Variants in NCAPH2 observed in about 807,000 individuals in gnomAD.
NCAPH2 encodes the protein non-SMC condensin II complex subunit H2.
A neutral mutation model predicts 88.6 loss-of-function variants in NCAPH2; 56 were observed. The observed-to-expected ratio is 0.63, with a 90% CI of 0.51 to 0.79. The LOEUF is 0.79. Among genes scored for constraint, NCAPH2 ranks in the 30% least tolerant of loss-of-function variants. NCAPH2 has a pLI of 0.00. For missense variants in NCAPH2, 794 were observed against 792.0 expected (o/e 1.00, Z -0.03); for synonymous variants, 378 against 313.6 (o/e 1.21, Z -2.17).
At chr22:50,518,508 G>A (rs1454371750) in intron 7 of NCAPH2, 141 bp from the exon 8 acceptor site, 6 of 1,043,390 alleles carry the variant, frequency 5.8e-6, no homozygotes, top group Non-Finnish European at 8.2e-6. Context: ...TCAGGGCCCT[G>A]CTGTCTCCCC....
chr22:50,514,011 C>T (rs1377687504), intron 1 of NCAPH2, among the ~76,000 whole-genome samples: 1 of 151,990 alleles, frequency 6.6e-6, no homozygotes, highest in East Asian at 1.9e-4. Context: ...GAAGCTTAGG[C>T]AGGGAGAATT....
intron 1 of NCAPH2, among the ~76,000 whole-genome samples, chr22:50,509,916 T>C (rs549919540): frequency 1.3e-4 from 20 of 152,300 alleles, no homozygotes; most frequent in African/African-American, 3.8e-4. Context: ...GGGAATCTTC[T>C]TTTTTGTTTT....
At chr22:50,508,889 T>C (rs1335162389) in intron 1 of NCAPH2, among the ~76,000 whole-genome samples, 19 of 152,240 alleles carry the variant, frequency 1.2e-4, no homozygotes, top group Non-Finnish European at 2.9e-5. Context: ...TTAGTGTTTC[T>C]TCCATGTTTG....
Position 50,523,698 on chromosome 22 carries a change from C to G in NCAPH2, c.*323C>G. 1 of 1,614,180 alleles carries G rather than the reference C, an allele frequency of 6.2e-7. No individual in the cohort carries two copies. On this transcript the variant is annotated 3_prime_UTR_variant, in exon 20 of 20. Transcript: ENST00000420993. ...CCGATCTGCTCCGGCCGTAGTAATC[C>G]GTGAAGAGGCCGTCAGGGTTGAGCA...
intron 2 of NCAPH2, among the ~76,000 whole-genome samples, chr22:50,516,767 T>G (rs936523752): frequency 1.3e-5 from 2 of 152,198 alleles, no homozygotes; most frequent in Non-Finnish European, 2.9e-5. Flanking sequence ...TTGGGCTCTG[T>G]TGTCTTGGGG....
chr22:50,508,669 C>T (rs566890467), intron 1 of NCAPH2, among the ~76,000 whole-genome samples: 3 of 152,336 alleles, frequency 2.0e-5, no homozygotes, highest in East Asian at 1.9e-4. Context: ...CAGGTTTCTA[C>T]CCGTCAGCGA....
At chr22:50,519,601 C>T in intron 9 of NCAPH2, 1 of 1,228,262 alleles carries the variant, frequency 8.1e-7, no homozygotes, top group Non-Finnish European at 1.0e-6. Context: ...CCTGGGATGG[C>T]CGCCGGTTGC....
At chr22:50,522,650 C>A (rs373877606) in intron 16 of NCAPH2, 21 bp from the exon 17 acceptor site, 2 of 1,613,682 alleles carry the variant, frequency 1.2e-6, no homozygotes, top group African/African-American at 2.7e-5. Context: ...AGCTGCCCAG[C>A]TCACAGCTAC....
In NCAPH2 at chr22:50,521,628, C is replaced by T. The variant is rs753321295; in HGVS notation, c.1000+19C>T. The T allele has an allele frequency of 8.7e-6, 14 of 1,613,580 alleles. No homozygotes were observed. In the South Asian group the frequency reaches 1.4e-4, roughly 16 times the overall value. On this transcript the variant is annotated intron_variant, in intron 11 of 19. Transcript: ENST00000420993. ...AAGAAAGGTAATTGGGTGGAAGGTA[C>T]CTCCACTCAGGTACCCCTGGCTGGG...
Position 50,519,177 on chromosome 22 carries a change from G to A in NCAPH2, c.731-13G>A, listed in dbSNP as rs1351877484. The A allele has an allele frequency of 6.3e-7, 1 of 1,599,930 alleles. No homozygotes were observed. The highest frequency in any genetic ancestry group is 1.1e-5 in the South Asian group (1 of 88,940). On this transcript the variant is annotated splice_polypyrimidine_tract_variant and intron_variant, in intron 8 of 19. Transcript: ENST00000420993. ...ACTCCTTGGAGCTGATCACTCTCTT[G>A]CTCCCTGCCTAGGCCCCTCTCCAGA...
In NCAPH2 at chr22:50,524,203, C is replaced by G. The variant is rs1282424848; in HGVS notation, c.*828C>G. On this transcript the variant is annotated 3_prime_UTR_variant, in exon 20 of 20. Coordinates refer to ENST00000420993, the MANE Select transcript of NCAPH2 (RefSeq NM_152299.4). ...CAGGGCCAGCCAGGCCCCACCGAGT[C>G]CAGCCCCGAACAGGCCTGTGATCAG... is the stretch of plus-strand genomic sequence containing the variant. 10 of 1,608,518 alleles carry G rather than the reference C, an allele frequency of 6.2e-6. No homozygotes were observed. The Admixed American group carries it at 8.3e-5, about 13-fold the overall frequency.
chr22:50,519,827 T>C (rs2069035698), intron 9 of NCAPH2: 1 of 896,140 alleles, frequency 1.1e-6, no homozygotes, highest in Non-Finnish European at 1.3e-6. Context: ...ATTCTATTCA[T>C]TTTTCCTAGT....
Position 50,521,553 on chromosome 22 carries a change from A to AC in NCAPH2, c.948dup (p.Trp317LeufsTer8). 1 of 1,613,344 alleles carries AC rather than the reference A, an allele frequency of 6.2e-7. No homozygotes were observed. The highest frequency in any genetic ancestry group is 1.1e-5 in the South Asian group (1 of 91,088). On this transcript the variant is annotated frameshift_variant, in exon 11 of 20. Coordinates refer to ENST00000420993, the MANE Select transcript of NCAPH2 (RefSeq NM_152299.4). LOFTEE classifies it high-confidence loss of function. ...GTGCTCTGTGCCCAGGAGACTCCAG[A>AC]CCCCTGGCAGAGCCTGGACCCCTTT...
rs1386679659 is a variant in NCAPH2 at position 50,518,169 on chromosome 22, C to A, written c.537C>A (p.Phe179Leu). The A allele has an allele frequency of 6.2e-7, 1 of 1,614,116 alleles. No individual in the cohort carries two copies. The highest frequency in any genetic ancestry group is 1.7e-5 in the Admixed American group (1 of 60,026). The change falls in exon 7 of 20, where the codon TTC (phenylalanine) becomes TTA (leucine). Residue 179 changes from phenylalanine (F) to leucine (L), a missense_variant. Phe to Leu is a conservative substitution (Grantham distance 22). Coordinates refer to ENST00000420993, the MANE Select transcript of NCAPH2 (RefSeq NM_152299.4). ...AGGTCCTGGCCAGCCGGAAGGATTT[C>A]AGGATGAACACGTGCGTTCCCCACC... The part of the protein sequence containing the change: ...QGEVLASRKD[F>L]RMNTCVPHPR...
chr22:50,515,865 G>A lies in NCAPH2; in HGVS notation c.109-582G>A, dbSNP rs1217163115. ...CCCCAGAGCTAAGGAGAGAGAGCTG[G>A]TCGGGTTGGGTTTGGGGCTCATTGG... On this transcript the variant is annotated intron_variant, in intron 1 of 19. Transcript: ENST00000420993. 30 of 1,196,248 alleles carry A rather than the reference G, an allele frequency of 2.5e-5. 1 individual carries two copies. The highest frequency in any genetic ancestry group is 2.3e-4 in the Middle Eastern group (1 of 4,330). 74.1% of individuals were successfully genotyped at this position (1,196,248 alleles called of 1,614,324 possible).
rs780983605 is a variant in NCAPH2 at position 50,522,877 on chromosome 22, C to T, written c.1482C>T (p.Arg494=). Residue 494 remains arginine (R), a synonymous_variant, in exon 18 of 20, where the codon CGC becomes CGT. Transcript: ENST00000420993. ...TCCAGGAGACAGAGCTGAGCCAGCGCATCAGGGACTGGGAGGACACAGTGC... is the reference window on the plus strand; with the variant it reads ...TCCAGGAGACAGAGCTGAGCCAGCGTATCAGGGACTGGGAGGACACAGTGC... The part of the protein sequence containing the change: ...KFVQETELSQ[R]IRDWEDTVQP... The T allele has an allele frequency of 1.9e-6, 3 of 1,613,470 alleles. No homozygotes were observed. Among genetic ancestry groups the T allele is most frequent in the African/African-American group, 2.7e-5 (2 of 75,058 alleles).
Position 50,524,531 on chromosome 22 carries a change from G to A in NCAPH2, c.*1156G>A, listed in dbSNP as rs747263545. Reference sequence around the variant, plus strand: ...CACCCATCTGAAGGACCCAGCCCACGTTCAGGCTTAACAGGCATTTGCAGC... The same window carrying A: ...CACCCATCTGAAGGACCCAGCCCACATTCAGGCTTAACAGGCATTTGCAGC... On this transcript the variant is annotated 3_prime_UTR_variant, in exon 20 of 20. Coordinates refer to ENST00000420993, the MANE Select transcript of NCAPH2 (RefSeq NM_152299.4). 1.2e-5 allele frequency: 12 copies of A among 1,014,580 alleles called. No individual in the cohort carries two copies. The highest frequency in any genetic ancestry group is 4.1e-5 in the South Asian group (3 of 73,364). The allele number at this position is 1,014,580 out of a possible 1,614,324, so 62.8% of individuals were successfully genotyped here. A position where few individuals can be genotyped will look rare whatever the true frequency, so the allele number is the denominator to read the frequency against.
chr22:50,523,317 A>G lies in NCAPH2; in HGVS notation c.1760A>G (p.His587Arg). The stretch of plus-strand genomic sequence containing the variant: ...ACCATGTCCCTGAGACTGCTCACGC[A>G]CCAGCGAGCGCACAAGCGCTTCCAG... Reference protein sequence around the residue: ...VDTMSLRLLTHQRAHKRFQTY... With the variant: ...VDTMSLRLLTRQRAHKRFQTY... Residue 587 changes from histidine (H) to arginine (R), a missense_variant, in exon 20 of 20, where the codon CAC becomes CGC. Physicochemically the swap from His to Arg is conservative, Grantham distance 29. Transcript: ENST00000420993. 3 of 1,587,118 alleles carry G rather than the reference A, an allele frequency of 1.9e-6. No homozygotes were observed. The highest frequency in any genetic ancestry group is 2.6e-6 in the Non-Finnish European group (3 of 1,166,750).
intron 1 of NCAPH2, among the ~76,000 whole-genome samples, chr22:50,514,652 G>A (rs966952583): frequency 1.6e-4 from 25 of 152,178 alleles, no homozygotes; most frequent in African/African-American, 2.4e-4. Context: ...CTTCCAGGCC[G>A]CCATCTCCTC....
Sources: allele counts gnomAD v4.1 joint callset (sites outside exome capture counted in the v4.1 genomes callset), GRCh38; gene constraint gnomAD v4.1.1; transcripts MANE v1.5; gene names NCBI Gene and HGNC (gene_info 2026-07-23, HGNC 2026-07-21).